Variants in UBQLN4 observed in about 807,000 individuals in gnomAD.
The protein encoded by UBQLN4 is ubiquilin 4.
A neutral mutation model predicts 60.4 loss-of-function variants in UBQLN4; 11 were observed. The observed-to-expected ratio is 0.18, with a 90% confidence interval of 0.11 to 0.30. The LOEUF (loss-of-function observed/expected upper bound fraction) is 0.30, where lower values mean the gene tolerates loss of function less well. Ranked by LOEUF, UBQLN4 falls within the 10% of genes least tolerant of loss-of-function variation. UBQLN4 has a pLI of 1.00. For synonymous variants in UBQLN4, 258 were observed against 313.1 expected (o/e 0.82, Z 1.86); for missense variants, 417 against 795.5 (o/e 0.52, Z 5.72).
chr1:156,046,961 C>A (rs1384522060), intron 5 of UBQLN4, among the ~76,000 whole-genome samples: 17 of 151,840 alleles, frequency 1.1e-4, no homozygotes, highest in Non-Finnish European at 1.9e-4. Context: ...GAATGATAAA[C>A]CCCAACTTCA....
At chr1:156,033,949 G>A (rs1329588760), downstream of UBQLN4, among the ~76,000 whole-genome samples, 1 of 151,804 alleles carries the variant, frequency 6.6e-6, no homozygotes, top group Non-Finnish European at 1.5e-5. Context: ...AAGGCAGCCA[G>A]TCTTTAGAGT....
intron 10 of UBQLN4, among the ~76,000 whole-genome samples, chr1:156,040,800 T>C (rs1468825632): frequency 6.6e-6 from 1 of 152,204 alleles, no homozygotes; most frequent in Non-Finnish European, 1.5e-5. Context: ...CACCACCTAG[T>C]TTAGCTCTCT....
rs376645983 is a variant in UBQLN4, at chr1:156,036,899, C to A, written c.*79G>T. On this transcript the variant is annotated 3_prime_UTR_variant, in exon 11 of 11. Transcript: ENST00000368309. ...GGGAGAAGACGGAAGGGAGGACAAG[C>A]TGCAGAGGGTAAGGATTGACAGAAG... 6.4e-7 allele frequency: 1 copy of A among 1,555,644 alleles called. No homozygotes were observed.
At chr1:156,051,893 C>A in intron 1 of UBQLN4, 36 bp from the exon 2 acceptor site, 1 of 1,611,282 alleles carries the variant, frequency 6.2e-7, no homozygotes, top group South Asian at 1.1e-5. Flanking sequence ...GTGGAGGCTG[C>A]CTGGACTCCC....
At chr1:156,047,650 C>T (rs1394614908) in intron 5 of UBQLN4, among the ~76,000 whole-genome samples, 3 of 151,146 alleles carry the variant, frequency 2.0e-5, no homozygotes, top group African/African-American at 7.3e-5. Flanking sequence ...AATCTCAGCA[C>T]TTTTGGAGGC....
At chr1:156,039,476 C>G (rs950770858) in intron 10 of UBQLN4, among the ~76,000 whole-genome samples, 1 of 151,778 alleles carries the variant, frequency 6.6e-6, no homozygotes, top group Non-Finnish European at 1.5e-5. Flanking sequence ...TCTTGAACTC[C>G]TGACCTCAGG....
In UBQLN4 at chr1:156,050,168, C is replaced by G; in HGVS notation, c.741+123G>C. ...TAGGCCTGTCTTTTCATCCCTGTAC[C>G]TCCAGTGTTCAAAACTGCTGAATAC... is the stretch of plus-strand genomic sequence containing the variant. On this transcript the variant is annotated intron_variant, in intron 4 of 10. Coordinates refer to ENST00000368309, the MANE Select transcript of UBQLN4 (RefSeq NM_020131.5). The surrounding 1 kb of genome is among the most constrained non-coding windows in gnomAD (Gnocchi z 4.6). 2 of 1,317,090 alleles carry G rather than the reference C, an allele frequency of 1.5e-6. 1 individual carries two copies. The highest frequency in any genetic ancestry group is 5.7e-5 in the Admixed American group (2 of 35,184). 81.6% of individuals were successfully genotyped at this position (1,317,090 alleles called of 1,614,324 possible).
intron 10 of UBQLN4, among the ~76,000 whole-genome samples, chr1:156,039,575 T>G (rs920443427): frequency 6.6e-6 from 1 of 151,986 alleles, no homozygotes; most frequent in African/African-American, 2.4e-5. Context: ...TTGTCATTCC[T>G]CTAATTATCT....
Position 156,051,835 on chromosome 1 carries a change from C to T in UBQLN4, c.131G>A (p.Arg44Lys). 6.2e-7 allele frequency: 1 copy of T among 1,614,162 alleles called. No individual in the cohort carries two copies. Among genetic ancestry groups the T allele is most frequent in the Non-Finnish European group, 8.5e-7 (1 of 1,180,014 alleles). The change falls in exon 2 of 11, where the codon AGG becomes AAG. Residue 44 changes from arginine (R) to lysine (K), a missense_variant. Arg to Lys is a conservative substitution (Grantham distance 26). Coordinates refer to ENST00000368309, the MANE Select transcript of UBQLN4 (RefSeq NM_020131.5). ...CAGCTGATCCTGCTGAGCCTTAAAC[C>T]TCCGGGAGATTTCCTCTTTGAACTG... Reference protein sequence around the residue: ...VKEFKEEISRRFKAQQDQLVL... With the variant: ...VKEFKEEISRKFKAQQDQLVL...
rs1023079203 is a variant in UBQLN4 at position 156,050,802 on chromosome 1, T to C, written c.479-249A>G. On this transcript the variant is annotated intron_variant, in intron 3 of 10. Transcript: ENST00000368309. The surrounding 1 kb of genome is among the most constrained non-coding windows in gnomAD (Gnocchi z 4.6). ...AATGGTCTGTTGAATGAGTGGCCCATGTGGCTACTGCTGGATCCAACTTTT... is the reference window on the plus strand; with the variant it reads ...AATGGTCTGTTGAATGAGTGGCCCACGTGGCTACTGCTGGATCCAACTTTT... Among the ~76,000 whole-genome samples, 5 of 152,174 alleles carry C rather than the reference T, an allele frequency of 3.3e-5. No individual in the cohort carries two copies. Among genetic ancestry groups the C allele is most frequent in the Admixed American group, 2.0e-4 (3 of 15,278 alleles).
intron 7 of UBQLN4, 43 bp downstream of exon 7, chr1:156,042,731 G>A (rs1446685661): frequency 6.3e-7 from 1 of 1,599,564 alleles, no homozygotes; most frequent in Non-Finnish European, 8.5e-7. Context: ...CAACCAAGAG[G>A]AACTCTCTCC....
chr1:156,050,822 A>C lies in UBQLN4; in HGVS notation c.479-269T>G, dbSNP rs1683847763. On this transcript the variant is annotated intron_variant, in intron 3 of 10. Coordinates refer to ENST00000368309, the MANE Select transcript of UBQLN4 (RefSeq NM_020131.5). This position sits in a 1 kb window ranked among gnomAD's most constrained non-coding sequence, Gnocchi z 4.6. ...GCCCATGTGGCTACTGCTGGATCCA[A>C]CTTTTCCCCAGACTCACAGGGTCTT... 6.6e-6 allele frequency among the ~76,000 whole-genome samples: 1 copy of C among 152,116 alleles called. No homozygotes were observed. Among genetic ancestry groups the C allele is most frequent in the Admixed American group, 6.5e-5 (1 of 15,272 alleles).
At position 156,048,534 on chromosome 1, in the gene UBQLN4, G is replaced by A; in HGVS notation, c.867C>T (p.Ile289=). Residue 289 remains isoleucine, a synonymous_variant, in exon 5 of 11, where the codon ATC becomes ATT. Transcript: ENST00000368309. The surrounding 1 kb of genome is among the most constrained non-coding windows in gnomAD (Gnocchi z 4.9). ...GGGCAGCACTGAACATGGGCTCCTG[G>A]ATGTCCGTGTACATGCGGCGGAGGG... ...YNALRRMYTD[I]QEPMFSAARE... is the part of the protein sequence containing the mutation. The A allele has an allele frequency of 6.2e-7, 1 of 1,612,708 alleles. No homozygotes were observed. The highest frequency in any genetic ancestry group is 1.3e-5 in the African/African-American group (1 of 74,988).
At position 156,048,176 on chromosome 1, in the gene UBQLN4, A is replaced by G. The variant is rs2102752460; in HGVS notation, c.900+325T>C. ...TTCTGATGCAGGTGATCCATGGACC[A>G]TACTTGAGACATGCTGTATCAGGGC... is the stretch of plus-strand genomic sequence containing the variant. On this transcript the variant is annotated intron_variant, in intron 5 of 10. Transcript: ENST00000368309. The surrounding 1 kb of genome is among the most constrained non-coding windows in gnomAD (Gnocchi z 4.9). 6.6e-6 allele frequency among the ~76,000 whole-genome samples: 1 copy of G among 152,290 alleles called. No homozygotes were observed. The highest frequency in any genetic ancestry group is 1.5e-5 in the Non-Finnish European group (1 of 68,030).
At chr1:156,043,388 T>C (rs1683618496) in intron 6 of UBQLN4, among the ~76,000 whole-genome samples, 1 of 152,150 alleles carries the variant, frequency 6.6e-6, no homozygotes, top group Non-Finnish European at 1.5e-5. Context: ...TGAAGACCTT[T>C]CCAGGATGCA....
intron 1 of UBQLN4, among the ~76,000 whole-genome samples, chr1:156,053,105 G>C (rs1368755216): frequency 6.6e-6 from 1 of 152,152 alleles, no homozygotes; most frequent in Non-Finnish European, 1.5e-5. Flanking sequence ...CAGAAGAGCT[G>C]AGAACCAAAT....
At chr1:156,047,444 C>T (rs1572277762) in intron 5 of UBQLN4, among the ~76,000 whole-genome samples, 1 of 151,218 alleles carries the variant, frequency 6.6e-6, no homozygotes, top group East Asian at 2.0e-4. Flanking sequence ...GGGGTTTCAC[C>T]ATTTTAGCCA....
In UBQLN4 at chr1:156,050,564, G is replaced by A. The variant is rs1229271293; in HGVS notation, c.479-11C>T. The A allele has an allele frequency of 6.2e-7, 1 of 1,601,912 alleles. No individual in the cohort carries two copies. Among genetic ancestry groups the A allele is most frequent in the South Asian group, 1.1e-5 (1 of 89,698 alleles). ...TGCCCCCAAAGCCAGCTGTGGGAAG[G>A]GGGCAGGGTCACAGTCTGCCACAAG... On this transcript the variant is annotated splice_polypyrimidine_tract_variant and intron_variant, in intron 3 of 10. Coordinates refer to ENST00000368309, the MANE Select transcript of UBQLN4 (RefSeq NM_020131.5). The surrounding 1 kb of genome is among the most constrained non-coding windows in gnomAD (Gnocchi z 4.6).
intron 10 of UBQLN4, 53 bp from the exon 11 acceptor site, chr1:156,037,183 A>G (rs1683426441): frequency 2.0e-5 from 31 of 1,587,208 alleles, no homozygotes; most frequent in Non-Finnish European, 2.6e-5. Flanking sequence ...TGGGGGCCCT[A>G]TTTGAATTAA....
Sources: allele counts gnomAD v4.1 joint callset (sites outside exome capture counted in the v4.1 genomes callset), GRCh38; gene constraint gnomAD v4.1.1; non-coding constraint Gnocchi (gnomAD v3.1); transcripts MANE v1.5; gene names NCBI Gene and HGNC (gene_info 2026-07-23, HGNC 2026-07-21).